CLIC5: variants seen among roughly 807,000 people sequenced by gnomAD.
The protein encoded by CLIC5 is chloride intracellular channel protein 5.
CLIC5 carries 20 observed loss-of-function variants against 24.7 expected under a neutral mutation model. The observed-to-expected ratio is 0.81, with a 90% CI of 0.57 to 1.18. CLIC5 has a LOEUF of 1.18. CLIC5 is among the 50% of genes most tolerant of loss of function. The probability of loss-of-function intolerance (pLI) is 0.00; values close to 1 mark genes in which losing one functional copy is unlikely to be tolerated. For synonymous variants in CLIC5, 159 were observed against 135.6 expected (o/e 1.17, Z -1.20); for missense variants, 341 against 326.1 (o/e 1.05, Z -0.35).
intron 1 of CLIC5, among the ~76,000 whole-genome samples, chr6:45,991,168 G>T (rs936830002): frequency 1.3e-5 from 2 of 152,186 alleles, no homozygotes; most frequent in Non-Finnish European, 2.9e-5. Context: ...GTAAAGGAAA[G>T]ATTTTCTGCA....
At chr6:45,965,500 G>A (rs1245061956) in intron 1 of CLIC5, among the ~76,000 whole-genome samples, 1 of 152,198 alleles carries the variant, frequency 6.6e-6, no homozygotes, top group African/African-American at 2.4e-5. Context: ...CATTTTCACA[G>A]CTCTTTAAGG....
chr6:46,028,217 A>G (rs1278966873), intron 1 of CLIC5, among the ~76,000 whole-genome samples: 1 of 152,250 alleles, frequency 6.6e-6, no homozygotes, highest in Admixed American at 6.5e-5. Flanking sequence ...CAAAACAGCC[A>G]TGCCAAAGTG....
At chr6:45,992,547 G>T (rs1765979651) in intron 1 of CLIC5, among the ~76,000 whole-genome samples, 1 of 152,142 alleles carries the variant, frequency 6.6e-6, no homozygotes, top group Non-Finnish European at 1.5e-5. Context: ...AATTCCCTGG[G>T]TAAACTACAT....
At chr6:46,005,378 C>A (rs1018146084) in intron 1 of CLIC5, among the ~76,000 whole-genome samples, 3 of 152,224 alleles carry the variant, frequency 2.0e-5, no homozygotes, top group Admixed American at 1.3e-4. Flanking sequence ...TGGCACAAAA[C>A]TTCTACACAC....
At chr6:46,071,297 A>C (rs1762588785) in intron 1 of CLIC5, among the ~76,000 whole-genome samples, 1 of 152,126 alleles carries the variant, frequency 6.6e-6, no homozygotes, top group Non-Finnish European at 1.5e-5. Flanking sequence ...CCTACAGAAC[A>C]GGAGAAAAAT....
intron 1 of CLIC5, among the ~76,000 whole-genome samples, chr6:46,049,003 G>T (rs1433431776): frequency 6.6e-6 from 1 of 152,172 alleles, no homozygotes; most frequent in South Asian, 2.1e-4. Context: ...GAAAACAAAG[G>T]AGCTTGCTGT....
chr6:45,912,338 C>T (rs1209141117), intron 5 of CLIC5: 32 of 1,020,250 alleles, frequency 3.1e-5, no homozygotes, highest in Non-Finnish European at 3.4e-5. Flanking sequence ...GGGTTAACCA[C>T]CCACTGAATT....
chr6:46,051,341 T>G (rs1768096876), intron 1 of CLIC5, among the ~76,000 whole-genome samples: 2 of 152,208 alleles, frequency 1.3e-5, no homozygotes, highest in African/African-American at 4.8e-5. Context: ...GCAAATTACT[T>G]AACCTCTCTG....
At chr6:46,094,888 C>T in the CLIC5 span, among the ~76,000 whole-genome samples, 1 of 152,232 alleles carries the variant, frequency 6.6e-6, no homozygotes, top group Non-Finnish European at 1.5e-5. Context: ...TAGAGGTTCT[C>T]CCTGAGGGCT....
chr6:46,045,539 AG>A (rs1767929961), intron 1 of CLIC5, among the ~76,000 whole-genome samples: 1 of 152,168 alleles, frequency 6.6e-6, no homozygotes, highest in South Asian at 2.1e-4. Flanking sequence ...TTGGCCTTCT[AG>A]GTAACAAGAT....
chr6:45,913,832 G>T, intron 5 of CLIC5: 1 of 1,230,618 alleles, frequency 8.1e-7, no homozygotes, highest in Non-Finnish European at 1.0e-6. Context: ...AAGAAAAAAT[G>T]CATATGAGGG....
the CLIC5 span, among the ~76,000 whole-genome samples, chr6:46,086,336 T>C: frequency 6.6e-6 from 1 of 152,230 alleles, no homozygotes; most frequent in African/African-American, 2.4e-5. Flanking sequence ...GTCTTCTGCG[T>C]CACTCACGCT....
At chr6:45,963,148 C>T (rs1461496331) in intron 1 of CLIC5, among the ~76,000 whole-genome samples, 1 of 152,154 alleles carries the variant, frequency 6.6e-6, no homozygotes, top group Non-Finnish European at 1.5e-5. Flanking sequence ...AAATTGTTGT[C>T]TTTCAATCTG....
upstream of CLIC5, among the ~76,000 whole-genome samples, chr6:46,019,453 G>A (rs1035327473): frequency 1.3e-5 from 2 of 151,906 alleles, no homozygotes; most frequent in Non-Finnish European, 2.9e-5. Flanking sequence ...TTGGGAGGCC[G>A]AGGCGGATGG....
At chr6:45,971,068 C>T (rs2127403985) in intron 1 of CLIC5, among the ~76,000 whole-genome samples, 1 of 152,316 alleles carries the variant, frequency 6.6e-6, no homozygotes, top group East Asian at 1.9e-4. Context: ...TGTTCTTTTT[C>T]CTCTACTGGA....
chr6:45,898,827 T>C lies in CLIC5; in HGVS notation c.*4261A>G, dbSNP rs1019961591. 1.3e-5 allele frequency: 2 copies of C among 152,556 alleles called. No homozygotes were observed. The highest frequency in any genetic ancestry group is 2.9e-5 in the Non-Finnish European group (2 of 68,046). The allele number at this position is 152,556 out of a possible 1,614,324, so 9.5% of individuals were successfully genotyped here. ...ATTTATATTTTAAATATATGTATAG[T>C]CAATATTGTGAAATCTCTAACTCTA... On this transcript the variant is annotated 3_prime_UTR_variant, in exon 6 of 6. Coordinates refer to ENST00000339561, the MANE Select transcript of CLIC5 (RefSeq NM_016929.5).
chr6:45,966,980 A>G (rs1160978157), intron 1 of CLIC5, among the ~76,000 whole-genome samples: 4 of 152,262 alleles, frequency 2.6e-5, no homozygotes, highest in Non-Finnish European at 5.9e-5. Context: ...GACCGGGTAC[A>G]GAAACCCTAG....
intron 1 of CLIC5, among the ~76,000 whole-genome samples, chr6:46,013,595 A>G (rs965058571): frequency 2.6e-5 from 4 of 152,154 alleles, no homozygotes; most frequent in African/African-American, 9.7e-5. Context: ...ACAAATGACA[A>G]CACAGTCATT....
chr6:45,966,201 GT>G (rs1258813096), intron 1 of CLIC5, among the ~76,000 whole-genome samples: 1 of 152,170 alleles, frequency 6.6e-6, no homozygotes, highest in Admixed American at 6.5e-5. Flanking sequence ...GAGTCCTGAG[GT>G]TTATTAATTA....
Sources: allele counts gnomAD v4.1 joint callset (sites outside exome capture counted in the v4.1 genomes callset), GRCh38; gene constraint gnomAD v4.1.1; transcripts MANE v1.5; gene names NCBI Gene and HGNC (gene_info 2026-07-23, HGNC 2026-07-21).